The following POLR3G variants were observed in gnomAD, a reference collection of about 807,000 sequenced individuals.
POLR3G encodes the protein RNA polymerase III subunit G.
A neutral mutation model predicts 30.1 loss-of-function variants in POLR3G; 28 were observed. That is an observed-to-expected ratio of 0.93 (90% CI 0.69 to 1.27). The LOEUF (loss-of-function observed/expected upper bound fraction) is 1.27, where lower values mean the gene tolerates loss of function less well. POLR3G is among the 50% of genes most tolerant of loss of function. The probability of loss-of-function intolerance (pLI) is 0.00; values close to 1 mark genes in which losing one functional copy is unlikely to be tolerated. For missense variants in POLR3G, 254 were observed against 264.6 expected, an observed-to-expected ratio of 0.96 and a Z score of 0.28; for synonymous variants, 79 against 82.5, an observed-to-expected ratio of 0.96 and a Z score of 0.23.
intron 5 of POLR3G, among the ~76,000 whole-genome samples, chr5:90,501,415 G>C (rs1752240391): frequency 6.6e-6 from 1 of 152,132 alleles, no homozygotes; most frequent in Non-Finnish European, 1.5e-5. Flanking sequence ...TGTCCTAGAG[G>C]ATCACAAATC....
intron 6 of POLR3G, among the ~76,000 whole-genome samples, chr5:90,504,391 T>G (rs1439986463): frequency 6.6e-6 from 1 of 151,896 alleles, no homozygotes; most frequent in Non-Finnish European, 1.5e-5. Flanking sequence ...AAACCCCATC[T>G]CTACTAAAAA....
At chr5:90,483,660 A>G (rs1751262526) in intron 1 of POLR3G, among the ~76,000 whole-genome samples, 1 of 152,096 alleles carries the variant, frequency 6.6e-6, no homozygotes, top group South Asian at 2.1e-4. Context: ...TAAGCCGGGC[A>G]TGGTGGTGCG....
upstream of POLR3G, chr5:90,474,114 G>A (rs1415809740): frequency 6.3e-7 from 1 of 1,580,418 alleles, no homozygotes; most frequent in Non-Finnish European, 8.6e-7. Flanking sequence ...CAAGAGGCCG[G>A]AGGAGTACAG....
At chr5:90,488,303 ATATTT>A (rs1401462618) in intron 3 of POLR3G, among the ~76,000 whole-genome samples, 174 bp downstream of exon 3, 10 of 152,200 alleles carry the variant, frequency 6.6e-5, no homozygotes, top group Non-Finnish European at 1.2e-4. Context: ...AAACTTTTTG[ATATTT>A]TATTTTTAGA....
At chr5:90,498,107 C>T (rs139227900) in intron 5 of POLR3G, among the ~76,000 whole-genome samples, 1 of 152,230 alleles carries the variant, frequency 6.6e-6, no homozygotes, top group African/African-American at 2.4e-5. Flanking sequence ...AAGACCCTGA[C>T]ACTCTGTCTA....
intron 6 of POLR3G, 45 bp downstream of exon 6, chr5:90,502,033 A>G: frequency 6.3e-7 from 1 of 1,589,736 alleles, no homozygotes; most frequent in South Asian, 1.1e-5. Flanking sequence ...AAAAATGTAA[A>G]AGATCCTACC....
intron 6 of POLR3G, among the ~76,000 whole-genome samples, chr5:90,503,840 A>T (rs1307872412): frequency 1.3e-5 from 2 of 152,190 alleles, no homozygotes; most frequent in East Asian, 3.8e-4. Context: ...ATTTCTGCAT[A>T]ACAGGAGGCT....
At chr5:90,474,046 G>C, upstream of POLR3G, 2 of 1,588,546 alleles carry the variant, frequency 1.3e-6, no homozygotes, top group South Asian at 2.3e-5. Flanking sequence ...AAGTGCACGT[G>C]GGTGGCCACG....
chr5:90,503,181 T>A (rs1330772967), intron 6 of POLR3G, among the ~76,000 whole-genome samples: 1 of 152,232 alleles, frequency 6.6e-6, no homozygotes, highest in Non-Finnish European at 1.5e-5. Context: ...ACATATGTTA[T>A]GTCCATAAGA....
intron 7 of POLR3G, among the ~76,000 whole-genome samples, chr5:90,507,096 T>G (rs1752524447): frequency 6.6e-6 from 1 of 152,194 alleles, no homozygotes; most frequent in African/African-American, 2.4e-5. Context: ...CAGAGAAGAT[T>G]GATAATTTAA....
intron 3 of POLR3G, among the ~76,000 whole-genome samples, chr5:90,494,408 A>G: frequency 6.6e-6 from 1 of 152,210 alleles, no homozygotes; most frequent in East Asian, 1.9e-4. Context: ...TTTCATTTAT[A>G]TTGGGTATAT....
At chr5:90,499,998 A>G (rs757427343) in intron 5 of POLR3G, among the ~76,000 whole-genome samples, 10 of 152,208 alleles carry the variant, frequency 6.6e-5, no homozygotes, top group Non-Finnish European at 1.2e-4. Flanking sequence ...TTTAAAGCTG[A>G]GAAAAATGTG....
intron 4 of POLR3G, 111 bp downstream of exon 4, chr5:90,495,844 G>C: frequency 3.0e-6 from 4 of 1,345,880 alleles, no homozygotes; most frequent in Non-Finnish European, 2.9e-6. Flanking sequence ...ACTGAGTCTG[G>C]TTCTTTTATT....
rs576525825 is a variant in POLR3G, at chr5:90,512,506, T to C, written c.*367T>C. ...TTTGTAAAACTATTGCTAGTCATAA[T>C]GGATTTCTATAACCTGAAAGTTGAT... is the stretch of plus-strand genomic sequence containing the variant. On this transcript the variant is annotated 3_prime_UTR_variant, in exon 8 of 8. Transcript: ENST00000651687. 23 of 169,448 alleles carry C rather than the reference T, an allele frequency of 1.4e-4. No homozygotes were observed. In the South Asian group the frequency reaches 3.0e-3, roughly 22 times the overall value. 10.5% of individuals were successfully genotyped at this position (169,448 alleles called of 1,614,324 possible). A position where few individuals can be genotyped will look rare whatever the true frequency, so the allele number is the denominator to read the frequency against.
At chr5:90,502,952 C>T (rs1419897305) in intron 6 of POLR3G, among the ~76,000 whole-genome samples, 1 of 152,084 alleles carries the variant, frequency 6.6e-6, no homozygotes, top group Non-Finnish European at 1.5e-5. Flanking sequence ...TATGTCATTT[C>T]ACCTGTGTAG....
rs1253027419 is a variant in POLR3G, at chr5:90,501,949, A to G, written c.399A>G (p.Thr133=). Residue 133 remains threonine, a synonymous_variant, in exon 6 of 8, where the codon ACA becomes ACG. Coordinates refer to ENST00000651687, the MANE Select transcript of POLR3G (RefSeq NM_006467.3). ...AGGCAAAAGACGCAGGCAAAGGCAC[A>G]CCACTCACTAATACTGAAGATGTGT... ...PKKAKDAGKG[T]PLTNTEDVLK... 6.2e-7 allele frequency: 1 copy of G among 1,613,562 alleles called. No individual in the cohort carries two copies. The highest frequency in any genetic ancestry group is 8.5e-7 in the Non-Finnish European group (1 of 1,179,636).
chr5:90,506,426 G>A, intron 6 of POLR3G, 102 bp from the exon 7 acceptor site: 2 of 1,409,162 alleles, frequency 1.4e-6, no homozygotes, highest in South Asian at 3.8e-5. Flanking sequence ...GTGGTAAGAT[G>A]GGAGTAGAAT....
At chr5:90,510,404 C>T (rs375745606) in intron 7 of POLR3G, among the ~76,000 whole-genome samples, 44 of 151,890 alleles carry the variant, frequency 2.9e-4, no homozygotes, top group Admixed American at 2.8e-3. Flanking sequence ...AGATTACTAA[C>T]GTCACACAAT....
At chr5:90,475,636 A>G (rs1237121020) in intron 1 of POLR3G, among the ~76,000 whole-genome samples, 3 of 152,062 alleles carry the variant, frequency 2.0e-5, no homozygotes, top group Non-Finnish European at 4.4e-5. Context: ...CAGCCACATA[A>G]ATCATCCGCT....
Sources: gnomAD v4.1 joint callset for allele counts (sites outside exome capture counted in the v4.1 genomes callset) on GRCh38, gnomAD v4.1.1 for gene constraint, MANE v1.5 for transcripts, NCBI Gene and HGNC (gene_info 2026-07-23, HGNC 2026-07-21) for gene names.